CFAP77: variants seen among roughly 807,000 people sequenced by gnomAD.
CFAP77 encodes the protein cilia and flagella associated protein 77.
Under a neutral mutation model 31.1 loss-of-function variants are expected in CFAP77, and 25 were observed. The observed-to-expected ratio is 0.80, with a 90% confidence interval of 0.59 to 1.12. The LOEUF (loss-of-function observed/expected upper bound fraction) is 1.12, where lower values mean the gene tolerates loss of function less well. Among genes scored for constraint, CFAP77 ranks in the 50% most tolerant of loss-of-function variants. CFAP77 has a pLI of 0.00. For synonymous variants in CFAP77, 151 were observed against 159.9 expected, an observed-to-expected ratio of 0.94 and a Z score of 0.42; for missense variants, 377 against 397.3, an observed-to-expected ratio of 0.95 and a Z score of 0.44.
chr9:132,508,511 A>G (rs997639602), intron 3 of CFAP77, among the ~76,000 whole-genome samples: 7 of 152,168 alleles, frequency 4.6e-5, no homozygotes, highest in Non-Finnish European at 1.5e-5. Flanking sequence ...AGGTCCTCCT[A>G]GCTGGACGTG....
intron 1 of CFAP77, among the ~76,000 whole-genome samples, chr9:132,422,048 G>T (rs1196706071): frequency 1.3e-5 from 2 of 149,596 alleles, no homozygotes; most frequent in African/African-American, 4.9e-5. Flanking sequence ...TGCTCTTGTT[G>T]CCCAGGCTGG....
intron 1 of CFAP77, among the ~76,000 whole-genome samples, chr9:132,488,653 G>T (rs941006380): frequency 6.6e-6 from 1 of 152,218 alleles, no homozygotes; most frequent in African/African-American, 2.4e-5. Context: ...CAGCCTGTGG[G>T]AAATGCTACC....
At chr9:132,438,541 A>ATATATATATATATATATATATTTTTT in intron 1 of CFAP77, among the ~76,000 whole-genome samples, 1 of 108,152 alleles carries the variant, frequency 9.2e-6, no homozygotes, top group Non-Finnish European at 1.8e-5. Context: ...ATATATATAT[A>ATATATATATATATATATATATTTTTT]TTTTTTTTTT....
chr9:132,558,012 T>C (rs1412244512), intron 5 of CFAP77, among the ~76,000 whole-genome samples: 2 of 152,186 alleles, frequency 1.3e-5, no homozygotes, highest in East Asian at 1.9e-4. Flanking sequence ...TACTAATCAA[T>C]CGTTGTGTAC....
At chr9:132,471,872 T>G (rs1851265826) in intron 1 of CFAP77, among the ~76,000 whole-genome samples, 1 of 152,172 alleles carries the variant, frequency 6.6e-6, no homozygotes, top group Non-Finnish European at 1.5e-5. Context: ...GCCTGGTTAA[T>G]TTTTGTATTA....
chr9:132,471,681 G>A (rs531078735), intron 1 of CFAP77, among the ~76,000 whole-genome samples: 2 of 138,996 alleles, frequency 1.4e-5, no homozygotes, highest in East Asian at 4.7e-4. Flanking sequence ...TGAGAGAGGG[G>A]GGTTGTTTTT....
At chr9:132,475,404 C>A (rs1431973395) in intron 1 of CFAP77, among the ~76,000 whole-genome samples, 1 of 152,180 alleles carries the variant, frequency 6.6e-6, no homozygotes, top group Non-Finnish European at 1.5e-5. Flanking sequence ...TTCGCTAAGG[C>A]TGGTCTGCAG....
At chr9:132,562,196 G>A (rs988540204) in intron 5 of CFAP77, among the ~76,000 whole-genome samples, 2 of 152,212 alleles carry the variant, frequency 1.3e-5, no homozygotes, top group Admixed American at 1.3e-4. Context: ...TCTAAACTGT[G>A]TGTGGCACGA....
At chr9:132,537,753 A>G in intron 4 of CFAP77, 47 bp downstream of exon 4, 1 of 1,456,316 alleles carries the variant, frequency 6.9e-7, no homozygotes, top group Non-Finnish European at 9.6e-7. Flanking sequence ...GGGGTGGAGA[A>G]GAGAGAAGGG....
At chr9:132,444,981 T>C (rs948690544) in intron 1 of CFAP77, among the ~76,000 whole-genome samples, 1 of 150,838 alleles carries the variant, frequency 6.6e-6, no homozygotes, top group South Asian at 2.1e-4. Context: ...TTTCTTTTTT[T>C]TTTTTTTTTT....
intron 1 of CFAP77, among the ~76,000 whole-genome samples, chr9:132,438,553 T>A (rs1440908010): frequency 2.3e-5 from 3 of 130,382 alleles, no homozygotes; most frequent in African/African-American, 6.0e-5. Context: ...TTTTTTTTTT[T>A]TTTTTAGACA....
rs1829863802 is a variant in CFAP77 at position 132,564,726 on chromosome 9, A to G, written c.733-7662A>G. On this transcript the variant is annotated intron_variant, in intron 5 of 5. Transcript: ENST00000393216. The surrounding 1 kb of genome is among the most constrained non-coding windows in gnomAD (Gnocchi z 4.6). ...GAACAACAGAGTAAACATTAGTGAA[A>G]TGTCAAAGGTACAATTAAGGATATC... 6.6e-6 allele frequency among the ~76,000 whole-genome samples: 1 copy of G among 152,252 alleles called. No individual in the cohort carries two copies. The highest frequency in any genetic ancestry group is 1.5e-5 in the Non-Finnish European group (1 of 68,048).
At chr9:132,542,122 T>C (rs1299287742) in intron 4 of CFAP77, among the ~76,000 whole-genome samples, 2 of 152,202 alleles carry the variant, frequency 1.3e-5, no homozygotes, top group Non-Finnish European at 2.9e-5. Context: ...CTTGGCAGCA[T>C]TGATGGCCTC....
In CFAP77 at chr9:132,481,991, T is replaced by C. The variant is rs1482925866; in HGVS notation, c.196-16704T>C. ...GGGGGGGGCGGCGGAACACTGAACA[T>C]TTTTCTTCCCTATTACATGATGCGA... On this transcript the variant is annotated intron_variant, in intron 1 of 5. Transcript: ENST00000393216. This position sits in a 1 kb window ranked among gnomAD's most constrained non-coding sequence, Gnocchi z 5.0. Among the ~76,000 whole-genome samples the C allele has an allele frequency of 3.3e-5, 5 of 150,192 alleles. No homozygotes were observed. The highest frequency in any genetic ancestry group is 3.3e-4 in the Admixed American group (5 of 15,094).
Position 132,481,942 on chromosome 9 carries a change from G to C in CFAP77, c.196-16753G>C, listed in dbSNP as rs1271995354. Among the ~76,000 whole-genome samples, 3 of 125,084 alleles carry C rather than the reference G, an allele frequency of 2.4e-5. No individual in the cohort carries two copies. The highest frequency in any genetic ancestry group is 9.6e-5 in the African/African-American group (3 of 31,184). The allele number at this position is 125,084 out of a possible 152,430, so 82.1% of individuals were successfully genotyped here. A position where few individuals can be genotyped will look rare whatever the true frequency, so the allele number is the denominator to read the frequency against. On this transcript the variant is annotated intron_variant, in intron 1 of 5. Transcript: ENST00000393216. This position sits in a 1 kb window ranked among gnomAD's most constrained non-coding sequence, Gnocchi z 5.0. ...GGCGTTTTCATCTGTTCTCAGGAAG[G>C]AACAAGGGTTTATGGTTGGGGGGGG...
chr9:132,530,298 GTC>G (rs199847508), intron 3 of CFAP77, among the ~76,000 whole-genome samples: 11,028 of 149,064 alleles, frequency 0.074, 509 homozygotes, highest in South Asian at 0.13. Flanking sequence ...TTGAGACGGA[GTC>G]TCTCTCTCTC....
intron 3 of CFAP77, among the ~76,000 whole-genome samples, chr9:132,521,416 G>A (rs1205644366): frequency 1.3e-5 from 2 of 152,184 alleles, no homozygotes; most frequent in African/African-American, 2.4e-5. Context: ...CTTCTCTACT[G>A]AGTGCAGACG....
At chr9:132,421,002 C>CTT (rs754764941) in intron 1 of CFAP77, among the ~76,000 whole-genome samples, 43 of 74,508 alleles carry the variant, frequency 5.8e-4, no homozygotes, top group Middle Eastern at 7.7e-3. Context: ...TGGCTTGTGT[C>CTT]TTTTTTTTTT....
At chr9:132,483,656 C>T (rs1191652894) in intron 1 of CFAP77, among the ~76,000 whole-genome samples, 1 of 152,170 alleles carries the variant, frequency 6.6e-6, no homozygotes, top group African/African-American at 2.4e-5. Context: ...CCCCAGCTCC[C>T]ACCATACTGT....
Sources: gnomAD v4.1 joint callset for allele counts (sites outside exome capture counted in the v4.1 genomes callset) on GRCh38, gnomAD v4.1.1 for gene constraint, Gnocchi (gnomAD v3.1) non-coding constraint, MANE v1.5 for transcripts, NCBI Gene and HGNC (gene_info 2026-07-23, HGNC 2026-07-21) for gene names.